STXBP5L: variants seen among roughly 807,000 people sequenced by gnomAD.
The protein encoded by STXBP5L is syntaxin-binding protein 5-like.
STXBP5L carries 65 observed loss-of-function variants against 144.5 expected under a neutral mutation model. The observed-to-expected ratio is 0.45, with a 90% confidence interval of 0.37 to 0.55. STXBP5L has a LOEUF of 0.55. STXBP5L is among the 20% of genes least tolerant of loss of function. The pLI is 0.00. For missense variants in STXBP5L, 1,298 were observed against 1,405.5 expected, an observed-to-expected ratio of 0.92 and a Z score of 1.22; for synonymous variants, 505 against 469.6, an observed-to-expected ratio of 1.08 and a Z score of -0.97.
At chr3:121,045,707 A>G (rs779318869) in intron 5 of STXBP5L, among the ~76,000 whole-genome samples, 172 bp downstream of exon 5, 8 of 152,096 alleles carry the variant, frequency 5.3e-5, no homozygotes. Flanking sequence ...CGTAATTGAT[A>G]TAGATCCAGT....
At chr3:121,372,244 CTG>C (rs2046053996) in intron 20 of STXBP5L, among the ~76,000 whole-genome samples, 1 of 152,148 alleles carries the variant, frequency 6.6e-6, no homozygotes, top group Non-Finnish European at 1.5e-5. Flanking sequence ...GGCCAGAAGA[CTG>C]AGGGGTGCTT....
chr3:121,211,736 T>G (rs1795404), intron 10 of STXBP5L, among the ~76,000 whole-genome samples: 119,464 of 151,826 alleles, frequency 0.79, 47,228 homozygotes, highest in East Asian at 0.93. Flanking sequence ...GTGCCACCAT[T>G]CCCAGCTAAT....
intron 3 of STXBP5L, among the ~76,000 whole-genome samples, chr3:120,996,916 A>C (rs1559973298): frequency 6.6e-6 from 1 of 152,162 alleles, no homozygotes; most frequent in Non-Finnish European, 1.5e-5. Flanking sequence ...GGTAATGAGC[A>C]TAGTAGTCAA....
chr3:121,124,828 T>C (rs1255481904), intron 7 of STXBP5L, among the ~76,000 whole-genome samples: 1 of 152,138 alleles, frequency 6.6e-6, no homozygotes, highest in Non-Finnish European at 1.5e-5. Context: ...GGAACTTTTT[T>C]TTGTTTCCAA....
In STXBP5L at chr3:121,362,319, G is replaced by T. The variant is rs534766893; in HGVS notation, c.2177-16397G>T. Reference sequence around the variant, plus strand: ...GCCTATGTTCACTCAAGGTCCTGGGGCTCTATGATCTGCAAGTAGCAAAGC... The same window carrying T: ...GCCTATGTTCACTCAAGGTCCTGGGTCTCTATGATCTGCAAGTAGCAAAGC... On this transcript the variant is annotated intron_variant, in intron 20 of 26. Coordinates refer to ENST00000471454, the MANE Select transcript of STXBP5L (RefSeq NM_001308330.2). Among the ~76,000 whole-genome samples the T allele has an allele frequency of 3.3e-5, 5 of 152,246 alleles. No individual in the cohort carries two copies. In the East Asian group the frequency reaches 7.7e-4, roughly 24 times the overall value.
chr3:121,148,788 T>C (rs2045820335), intron 7 of STXBP5L, among the ~76,000 whole-genome samples: 1 of 152,138 alleles, frequency 6.6e-6, no homozygotes, highest in Non-Finnish European at 1.5e-5. Flanking sequence ...AATGCATATA[T>C]GTATTTACCA....
chr3:121,117,113 A>G (rs1484276601), intron 6 of STXBP5L, among the ~76,000 whole-genome samples: 1 of 151,908 alleles, frequency 6.6e-6, no homozygotes, highest in African/African-American at 2.4e-5. Context: ...ATGTGTTTAT[A>G]TAGTCTATAC....
Position 120,990,277 on chromosome 3 carries a change from A to G in STXBP5L, c.287+35240A>G, listed in dbSNP as rs191678608. ...GACGTGAAGGACCTCTTCAAGGAGA[A>G]CTACAAACCACTGCTCGATGAAATA... is the stretch of plus-strand genomic sequence containing the variant. On this transcript the variant is annotated intron_variant, in intron 3 of 26. Coordinates refer to ENST00000471454, the MANE Select transcript of STXBP5L (RefSeq NM_001308330.2). Among the ~76,000 whole-genome samples, 83 of 152,326 alleles carry G rather than the reference A, an allele frequency of 5.4e-4. No homozygotes were observed. In the East Asian group the frequency reaches 7.7e-3, roughly 14 times the overall value.
At chr3:121,312,245 A>T (rs1401246315) in intron 19 of STXBP5L, among the ~76,000 whole-genome samples, 8 of 152,076 alleles carry the variant, frequency 5.3e-5, no homozygotes. Context: ...AAACCCTAAA[A>T]GAAAACCTAG....
chr3:121,081,041 G>T (rs921460535), intron 5 of STXBP5L, among the ~76,000 whole-genome samples: 27 of 151,934 alleles, frequency 1.8e-4, no homozygotes, highest in African/African-American at 6.5e-4. Context: ...ATTTCTTGGA[G>T]ACTTTATTTT....
intron 12 of STXBP5L, among the ~76,000 whole-genome samples, chr3:121,238,725 G>A (rs1210944591): frequency 6.6e-6 from 1 of 151,872 alleles, no homozygotes; most frequent in Non-Finnish European, 1.5e-5. Context: ...ATGCCACTGT[G>A]GAATGTTAGA....
intron 20 of STXBP5L, among the ~76,000 whole-genome samples, chr3:121,371,798 T>A (rs2046037962): frequency 2.0e-5 from 3 of 152,134 alleles, no homozygotes; most frequent in Non-Finnish European, 4.4e-5. Flanking sequence ...TGTGCCTAAT[T>A]TTGCACCAGT....
At chr3:121,256,514 A>G (rs898271727) in intron 16 of STXBP5L, among the ~76,000 whole-genome samples, 42 of 151,900 alleles carry the variant, frequency 2.8e-4, no homozygotes, top group African/African-American at 9.7e-4. Context: ...TATGTAAATT[A>G]TTATATGTTT....
chr3:120,984,749 G>A (rs34456056), intron 3 of STXBP5L, among the ~76,000 whole-genome samples: 1 of 146,850 alleles, frequency 6.8e-6, no homozygotes, highest in Non-Finnish European at 1.5e-5. Flanking sequence ...TTTAAAAGAA[G>A]AGTTTTCAGT....
At chr3:121,250,814 A>G (rs1327541862) in intron 15 of STXBP5L, 51 bp downstream of exon 15, 1 of 1,487,448 alleles carries the variant, frequency 6.7e-7, no homozygotes, top group Non-Finnish European at 9.2e-7. Flanking sequence ...ATATTTACTT[A>G]TAGCCAGCTA....
chr3:121,220,320 C>T (rs1370453386), intron 10 of STXBP5L, among the ~76,000 whole-genome samples: 3 of 152,006 alleles, frequency 2.0e-5, no homozygotes, highest in Non-Finnish European at 2.9e-5. Context: ...TTTATTAATG[C>T]TTTCTTTAAG....
intron 2 of STXBP5L, among the ~76,000 whole-genome samples, chr3:120,944,009 A>G (rs1378177724): frequency 1.3e-5 from 2 of 151,558 alleles, no homozygotes; most frequent in Non-Finnish European, 1.5e-5. Flanking sequence ...CATAAAAACT[A>G]AGGAAATGAA....
chr3:121,402,775 C>A (rs1036651168), intron 22 of STXBP5L, among the ~76,000 whole-genome samples: 15 of 152,082 alleles, frequency 9.9e-5, no homozygotes, highest in African/African-American at 3.4e-4. Flanking sequence ...CACTCCTGGA[C>A]AACAATTGCA....
chr3:121,303,561 A>G (rs1233375398), intron 19 of STXBP5L, among the ~76,000 whole-genome samples: 1 of 152,168 alleles, frequency 6.6e-6, no homozygotes, highest in African/African-American at 2.4e-5. Context: ...TCATGCTGCT[A>G]TAAAGACACA....
Sources: allele counts gnomAD v4.1 joint callset (sites outside exome capture counted in the v4.1 genomes callset), GRCh38; gene constraint gnomAD v4.1.1; transcripts MANE v1.5; gene names NCBI Gene and HGNC (gene_info 2026-07-23, HGNC 2026-07-21).